MATCAP2: variants seen among roughly 807,000 people sequenced by gnomAD.
The protein encoded by MATCAP2 is microtubule associated tyrosine carboxypeptidase 2.
At chr7:36,363,354 CAAT>C in the MATCAP2 span, among the ~76,000 whole-genome samples, 24 of 152,314 alleles carry the variant, frequency 1.6e-4, no homozygotes, top group East Asian at 4.6e-3. Context: ...AGCCGATAGG[CAAT>C]CATAAATGAA....
the MATCAP2 span, among the ~76,000 whole-genome samples, chr7:36,379,105 C>A: frequency 6.6e-6 from 1 of 152,208 alleles, no homozygotes; most frequent in Admixed American, 6.5e-5. Flanking sequence ...ATGGGCTGCA[C>A]CCACTGTCCA....
chr7:36,377,426 G>T, the MATCAP2 span, among the ~76,000 whole-genome samples: 1 of 152,122 alleles, frequency 6.6e-6, no homozygotes, highest in Admixed American at 6.5e-5. Context: ...TTGAATATTG[G>T]CCCCCACTCT....
At chr7:36,382,586 G>A in the MATCAP2 span, among the ~76,000 whole-genome samples, 2 of 151,878 alleles carry the variant, frequency 1.3e-5, no homozygotes, top group East Asian at 1.9e-4. Context: ...TCCGCCTCCC[G>A]GGTTCACACC....
At chr7:36,345,114 T>C in the MATCAP2 span, among the ~76,000 whole-genome samples, 1 of 152,188 alleles carries the variant, frequency 6.6e-6, no homozygotes, top group African/African-American at 2.4e-5. Context: ...TAACGGAATC[T>C]ACTCTTGAGT....
chr7:36,360,628 CAG>C, the MATCAP2 span, among the ~76,000 whole-genome samples: 1 of 152,150 alleles, frequency 6.6e-6, no homozygotes, highest in African/African-American at 2.4e-5. Flanking sequence ...ATTAATTTCT[CAG>C]AGTCACAGTA....
chr7:36,390,055 T>G, the MATCAP2 span: 1 of 1,613,742 alleles, frequency 6.2e-7, no homozygotes. Context: ...GTGAGTGAGT[T>G]TGCGGGTGCA....
the MATCAP2 span, chr7:36,334,258 C>T: frequency 1.9e-6 from 2 of 1,068,576 alleles, no homozygotes; most frequent in Non-Finnish European, 2.7e-6. Context: ...TAAAACCAGC[C>T]AGGCGCGGTG....
the MATCAP2 span, among the ~76,000 whole-genome samples, chr7:36,378,568 G>C: frequency 6.6e-6 from 1 of 152,246 alleles, no homozygotes; most frequent in African/African-American, 2.4e-5. Context: ...ACCCACTTGA[G>C]GGGGCAGTCT....
chr7:36,334,831 C>T, the MATCAP2 span, among the ~76,000 whole-genome samples: 1 of 152,112 alleles, frequency 6.6e-6, no homozygotes, highest in East Asian at 1.9e-4. Flanking sequence ...TTTCCAGGTT[C>T]AATACACCTA....
chr7:36,345,621 A>G, the MATCAP2 span, among the ~76,000 whole-genome samples: 1 of 152,198 alleles, frequency 6.6e-6, no homozygotes, highest in Admixed American at 6.5e-5. Context: ...TTATTTTCAA[A>G]CAGTGGGGCT....
At chr7:36,386,394 A>C in the MATCAP2 span, among the ~76,000 whole-genome samples, 1 of 152,098 alleles carries the variant, frequency 6.6e-6, no homozygotes, top group South Asian at 2.1e-4. Flanking sequence ...AGGCATAAAA[A>C]ACACAAATCC....
the MATCAP2 span, among the ~76,000 whole-genome samples, chr7:36,361,241 C>T: frequency 5.3e-5 from 8 of 152,214 alleles, no homozygotes; most frequent in South Asian, 1.7e-3. Flanking sequence ...AATCATTAAA[C>T]CCATCGGTAC....
chr7:36,360,071 C>A, the MATCAP2 span, among the ~76,000 whole-genome samples: 1 of 152,098 alleles, frequency 6.6e-6, no homozygotes, highest in African/African-American at 2.4e-5. Context: ...CAGAGTTACA[C>A]CAAATTAAAA....
the MATCAP2 span, chr7:36,366,690 C>T: frequency 6.5e-7 from 1 of 1,534,372 alleles, no homozygotes; most frequent in Non-Finnish European, 8.7e-7. Context: ...CGAGATTCCA[C>T]AGCAGGTACT....
chr7:36,360,965 G>A, the MATCAP2 span, among the ~76,000 whole-genome samples: 1 of 152,138 alleles, frequency 6.6e-6, no homozygotes, highest in African/African-American at 2.4e-5. Flanking sequence ...TTAGCTATAA[G>A]CAATCTGTTT....
At chr7:36,366,962 GGCGGGCTCC>G in the MATCAP2 span, 1 of 1,348,070 alleles carries the variant, frequency 7.4e-7, no homozygotes, top group East Asian at 3.1e-5. Context: ...GGCCCGGGGC[GGCGGGCTCC>G]GCGGGCTCAG....
chr7:36,330,807 C>T, the MATCAP2 span, among the ~76,000 whole-genome samples: 1 of 152,170 alleles, frequency 6.6e-6, no homozygotes, highest in African/African-American at 2.4e-5. Flanking sequence ...AGAAATTTTA[C>T]AATTTGGTTA....
the MATCAP2 span, among the ~76,000 whole-genome samples, chr7:36,353,147 G>A: frequency 3.3e-5 from 5 of 152,096 alleles, no homozygotes; most frequent in African/African-American, 7.2e-5. Context: ...GCTGGTGCAC[G>A]CCTGTAAGTC....
the MATCAP2 span, chr7:36,334,018 A>G: frequency 5.0e-6 from 8 of 1,614,044 alleles, no homozygotes; most frequent in Non-Finnish European, 6.8e-6. Flanking sequence ...CTCCATAAAA[A>G]AGGGTCTTTT....
Sources: allele counts gnomAD v4.1 joint callset (sites outside exome capture counted in the v4.1 genomes callset), GRCh38; gene constraint gnomAD v4.1.1; transcripts MANE v1.5; gene names NCBI Gene and HGNC (gene_info 2026-07-23, HGNC 2026-07-21).